The following NEGR1 variants were observed in gnomAD, a reference collection of about 807,000 sequenced individuals.
NEGR1 encodes the protein IgLON family member 4.
NEGR1 carries 10 observed loss-of-function variants against 40.9 expected under a neutral mutation model. That is an observed-to-expected ratio of 0.24 (90% CI 0.15 to 0.42). NEGR1 has a LOEUF of 0.42. Ranked by LOEUF, NEGR1 falls within the 10% of genes least tolerant of loss-of-function variation. The pLI is 1.00. For missense variants in NEGR1, 352 were observed against 438.9 expected, an observed-to-expected ratio of 0.80 and a Z score of 1.77; for synonymous variants, 185 against 166.8, an observed-to-expected ratio of 1.11 and a Z score of -0.84.
chr1:71,444,027 G>A (rs971739588), intron 6 of NEGR1, among the ~76,000 whole-genome samples: 1 of 152,132 alleles, frequency 6.6e-6, no homozygotes, highest in Non-Finnish European at 1.5e-5. Context: ...CATCATTTAT[G>A]CATTTGATTC....
chr1:71,555,803 A>G (rs1355016820), intron 6 of NEGR1, among the ~76,000 whole-genome samples: 1 of 151,530 alleles, frequency 6.6e-6, no homozygotes, highest in Non-Finnish European at 1.5e-5. Context: ...AGTTGAGAAT[A>G]TCTTCAAATG....
intron 1 of NEGR1, among the ~76,000 whole-genome samples, chr1:72,021,057 A>G (rs1646751855): frequency 6.6e-6 from 1 of 152,162 alleles, no homozygotes. Flanking sequence ...ACACATACTA[A>G]AAGTCCTGAC....
At chr1:71,772,905 C>A (rs1334649909) in intron 3 of NEGR1, among the ~76,000 whole-genome samples, 1 of 151,896 alleles carries the variant, frequency 6.6e-6, no homozygotes, top group Non-Finnish European at 1.5e-5. Context: ...ATTTCTGTAA[C>A]CTTTTAAAAC....
chr1:71,684,829 C>T (rs1345525939), intron 4 of NEGR1, among the ~76,000 whole-genome samples: 1 of 152,136 alleles, frequency 6.6e-6, no homozygotes, highest in Non-Finnish European at 1.5e-5. Context: ...CTGCTTCTAT[C>T]TTTCAGTTGG....
At chr1:71,993,200 G>A (rs1173323470) in intron 1 of NEGR1, among the ~76,000 whole-genome samples, 1 of 152,120 alleles carries the variant, frequency 6.6e-6, no homozygotes. Context: ...CCTAGTCAGG[G>A]AGCTAAGTCA....
chr1:71,990,919 T>TATA (rs142869765), intron 1 of NEGR1, among the ~76,000 whole-genome samples: 22 of 85,080 alleles, frequency 2.6e-4, no homozygotes, highest in East Asian at 1.0e-3. Flanking sequence ...TATATATATA[T>TATA]TTTTTTTTTA....
intron 1 of NEGR1, among the ~76,000 whole-genome samples, chr1:71,956,987 A>T (rs1203214468): frequency 6.6e-6 from 1 of 152,152 alleles, no homozygotes; most frequent in Non-Finnish European, 1.5e-5. Flanking sequence ...CATATAAATG[A>T]ATTAAAATGA....
chr1:71,990,283 G>A (rs779677384), intron 1 of NEGR1, among the ~76,000 whole-genome samples: 8 of 152,128 alleles, frequency 5.3e-5, no homozygotes, highest in Non-Finnish European at 8.8e-5. Context: ...TTGCTGAAGC[G>A]CCTCAACAAT....
At chr1:72,098,368 A>T (rs1648793838) in intron 1 of NEGR1, among the ~76,000 whole-genome samples, 3 of 152,190 alleles carry the variant, frequency 2.0e-5, no homozygotes, top group Admixed American at 2.0e-4. Flanking sequence ...TCCCACCATT[A>T]TGTTAAATAA....
intron 1 of NEGR1, among the ~76,000 whole-genome samples, chr1:71,988,927 A>AAAAAAC (rs1646427081): frequency 8.7e-6 from 1 of 115,114 alleles, no homozygotes; most frequent in Non-Finnish European, 1.9e-5. Context: ...GGATGTTAAA[A>AAAAAAC]AAAAAAAAAA....
intron 4 of NEGR1, among the ~76,000 whole-genome samples, chr1:71,659,724 A>G (rs1651994424): frequency 6.6e-6 from 1 of 152,202 alleles, no homozygotes; most frequent in Non-Finnish European, 1.5e-5. Flanking sequence ...CATATGGAAA[A>G]AAGCTAAATC....
rs117462587 is a variant in NEGR1 at position 71,992,630 on chromosome 1, G to A, written c.177-57319C>T. 1.3e-3 allele frequency among the ~76,000 whole-genome samples: 150 copies of A among 119,030 alleles called. 1 individual carries two copies. The East Asian group carries it at 0.019, about 15-fold the overall frequency. The allele number at this position is 119,030 out of a possible 152,430, so 78.1% of individuals were successfully genotyped here. A position where few individuals can be genotyped will look rare whatever the true frequency, so the allele number is the denominator to read the frequency against. On this transcript the variant is annotated intron_variant, in intron 1 of 6. Transcript: ENST00000357731. ...TTATATGCAGTCTTTGAAATCTGGC[G>A]TGAATTTTATAGTTATAGTACAGTT... is the stretch of plus-strand genomic sequence containing the variant.
chr1:72,000,395 C>T (rs1174851608), intron 1 of NEGR1, among the ~76,000 whole-genome samples: 1 of 151,054 alleles, frequency 6.6e-6, no homozygotes, highest in Non-Finnish European at 1.5e-5. Context: ...ACTCATTTTA[C>T]AAATGAGGAA....
intron 2 of NEGR1, among the ~76,000 whole-genome samples, chr1:71,930,703 C>T (rs549427510): frequency 5.3e-5 from 8 of 152,036 alleles, no homozygotes; most frequent in Non-Finnish European, 7.4e-5. Flanking sequence ...CTTTGTGAAA[C>T]GAATTCAAAC....
At chr1:71,819,737 T>C (rs1319859264) in intron 2 of NEGR1, among the ~76,000 whole-genome samples, 3 of 151,886 alleles carry the variant, frequency 2.0e-5, no homozygotes, top group Non-Finnish European at 4.4e-5. Flanking sequence ...AAAGGGGGGA[T>C]AAAAAAGAAA....
chr1:71,959,789 T>C (rs1646148790), intron 1 of NEGR1, among the ~76,000 whole-genome samples: 1 of 152,130 alleles, frequency 6.6e-6, no homozygotes, highest in African/African-American at 2.4e-5. Context: ...AATTTCCTAA[T>C]TATATTATTA....
intron 1 of NEGR1, among the ~76,000 whole-genome samples, chr1:71,972,550 A>T (rs1279027601): frequency 6.6e-6 from 1 of 152,058 alleles, no homozygotes; most frequent in Non-Finnish European, 1.5e-5. Flanking sequence ...TACATCTTAA[A>T]CTTTATTTAT....
intron 1 of NEGR1, among the ~76,000 whole-genome samples, chr1:72,186,461 T>C (rs1652614954): frequency 6.6e-6 from 1 of 151,544 alleles, no homozygotes; most frequent in African/African-American, 2.4e-5. Context: ...CCATAAGCCA[T>C]TCAAGAGGGG....
rs541499905 is a variant in NEGR1, at chr1:71,884,652, C to T, written c.409+50427G>A. Among the ~76,000 whole-genome samples the T allele has an allele frequency of 9.9e-5, 15 of 152,060 alleles. No individual in the cohort carries two copies. In the South Asian group the frequency reaches 1.2e-3, roughly 13 times the overall value. On this transcript the variant is annotated intron_variant, in intron 2 of 6. Coordinates refer to ENST00000357731, the MANE Select transcript of NEGR1 (RefSeq NM_173808.3). ...TATACCAAAACCTGTATTTGGCATG[C>T]GGGAAATTGAGAACTAGATGACACA...
Sources: allele counts gnomAD v4.1 joint callset (sites outside exome capture counted in the v4.1 genomes callset), GRCh38; gene constraint gnomAD v4.1.1; transcripts MANE v1.5; gene names NCBI Gene and HGNC (gene_info 2026-07-23, HGNC 2026-07-21).